PCDHGA8: variants seen among roughly 807,000 people sequenced by gnomAD.
PCDHGA8 encodes protocadherin gamma-A8.
PCDHGA8 carries 45 observed loss-of-function variants against 59.2 expected under a neutral mutation model. The observed-to-expected ratio is 0.76, with a 90% confidence interval of 0.60 to 0.98. PCDHGA8 has a LOEUF of 0.98. PCDHGA8 is among the 50% of genes least tolerant of loss of function. The pLI, the probability that PCDHGA8 is intolerant of heterozygous loss-of-function variation, is 0.00. For synonymous variants in PCDHGA8, 531 were observed against 519.0 expected (o/e 1.02, Z -0.32); for missense variants, 1,257 against 1,196.2 (o/e 1.05, Z -0.75).
intron 1 of PCDHGA8, among the ~76,000 whole-genome samples, chr5:141,438,629 TATATATACACAC>T (rs1343412075): frequency 0.05 from 2,378 of 47,602 alleles, 22 homozygotes; most frequent in African/African-American, 0.12. Context: ...TATATATATA[TATATATACACAC>T]ACACACACAC....
intron 1 of PCDHGA8, among the ~76,000 whole-genome samples, chr5:141,449,413 C>G (rs2098637966): frequency 6.6e-6 from 1 of 151,656 alleles, no homozygotes; most frequent in African/African-American, 2.4e-5. Flanking sequence ...TCAAGACCAG[C>G]CTGGCCAACA....
At chr5:141,418,806 C>A in intron 1 of PCDHGA8, 1 of 1,613,696 alleles carries the variant, frequency 6.2e-7, no homozygotes, top group Non-Finnish European at 8.5e-7. Context: ...GAAAGATATA[C>A]GATAAACATA....
chr5:141,402,684 A>G (rs2094294341), intron 1 of PCDHGA8, among the ~76,000 whole-genome samples: 1 of 152,144 alleles, frequency 6.6e-6, no homozygotes, highest in African/African-American at 2.4e-5. Context: ...ATCTGATATA[A>G]TGTTACACAT....
chr5:141,393,730 G>C lies in PCDHGA8; in HGVS notation c.917G>C (p.Ser306Thr), dbSNP rs546435108. Residue 306 changes from serine (S) to threonine (T), a missense_variant, in exon 1 of 4, where the codon AGT becomes ACT. Transcript: ENST00000398604. ...ENTGEISIAK[S>T]LDYEECSFYE... The stretch of plus-strand genomic sequence containing the variant: ...ACTGGGGAAATATCAATAGCAAAAA[G>C]TCTAGATTATGAAGAATGTTCATTT... 3 of 1,613,844 alleles carry C rather than the reference G, an allele frequency of 1.9e-6. No individual in the cohort carries two copies. In the South Asian group the frequency reaches 3.3e-5, roughly 18 times the overall value.
chr5:141,462,872 AG>A (rs1254807813), intron 1 of PCDHGA8, among the ~76,000 whole-genome samples: 54 of 152,272 alleles, frequency 3.5e-4, no homozygotes, highest in Middle Eastern at 6.8e-3. Flanking sequence ...TCTTTCTTTA[AG>A]AACTATTGCA....
At position 141,431,007 on chromosome 5, in the gene PCDHGA8, G is replaced by C. The variant is rs149559471; in HGVS notation, c.2424+35770G>C. On this transcript the variant is annotated intron_variant, in intron 1 of 3. Transcript: ENST00000398604. This position sits in a 1 kb window ranked among gnomAD's most constrained non-coding sequence, Gnocchi z 4.8. Reference sequence around the variant, plus strand: ...TTCGCCCTGAATCCGCGCAGCGGCAGCTTGGTCACGGCGGGCAGGATAGAC... The same window carrying C: ...TTCGCCCTGAATCCGCGCAGCGGCACCTTGGTCACGGCGGGCAGGATAGAC... 10 of 1,614,050 alleles carry C rather than the reference G, an allele frequency of 6.2e-6. No homozygotes were observed. The highest frequency in any genetic ancestry group is 8.5e-6 in the Non-Finnish European group (10 of 1,180,018).
intron 1 of PCDHGA8, among the ~76,000 whole-genome samples, chr5:141,433,809 C>A (rs913637407): frequency 5.3e-5 from 8 of 149,948 alleles, no homozygotes; most frequent in Non-Finnish European, 1.2e-4. Flanking sequence ...TGCACTCCAG[C>A]CTGGGCAACA....
In PCDHGA8 at chr5:141,450,775, C is replaced by T. The variant is rs561501224; in HGVS notation, c.2425-44032C>T. ...GTGCCGGGATTACAGGCATGAGCCA[C>T]CGTGCCCGGACCTCATGATTGTATT... On this transcript the variant is annotated intron_variant, in intron 1 of 3. Coordinates refer to ENST00000398604, the MANE Select transcript of PCDHGA8 (RefSeq NM_032088.2). Among the ~76,000 whole-genome samples the T allele has an allele frequency of 2.3e-3, 352 of 151,748 alleles. 1 individual carries two copies. The highest frequency in any genetic ancestry group is 4.5e-3 in the Non-Finnish European group (306 of 67,958).
intron 1 of PCDHGA8, chr5:141,404,230 C>T: frequency 6.2e-7 from 1 of 1,613,836 alleles, no homozygotes; most frequent in Non-Finnish European, 8.5e-7. Context: ...CTGCAACAGA[C>T]AGAGGAACTC....
chr5:141,403,632 G>A (rs759489331), intron 1 of PCDHGA8: 2 of 1,613,916 alleles, frequency 1.2e-6, no homozygotes, highest in Admixed American at 1.7e-5. Context: ...AGCACAGTGC[G>A]CATCCATGTG....
chr5:141,496,478 G>A lies in PCDHGA8; in HGVS notation c.2483+1613G>A, dbSNP rs150992994. 7.2e-3 allele frequency among the ~76,000 whole-genome samples: 1,093 copies of A among 152,228 alleles called. 19 individuals are homozygous for A. The highest frequency in any genetic ancestry group is 0.025 in the African/African-American group (1,039 of 41,518). ...CCAAGAGTTATCTTTCCCCCATCCT[G>A]CAACCAACCAAACCCTTGTTGCCAC... is the stretch of plus-strand genomic sequence containing the variant. On this transcript the variant is annotated intron_variant, in intron 2 of 3. Transcript: ENST00000398604.
chr5:141,404,879 G>C (rs770577946), intron 1 of PCDHGA8: 1 of 1,613,906 alleles, frequency 6.2e-7, no homozygotes, highest in Non-Finnish European at 8.5e-7. Flanking sequence ...ACAGAGCCTT[G>C]TGGTGGCTGT....
At chr5:141,409,109 A>G in intron 1 of PCDHGA8, 1 of 1,614,028 alleles carries the variant, frequency 6.2e-7, no homozygotes, top group Non-Finnish European at 8.5e-7. Context: ...TATGATTAAG[A>G]ATAACCAGTC....
chr5:141,507,901 G>T (rs1332204823), intron 3 of PCDHGA8, among the ~76,000 whole-genome samples: 1 of 152,216 alleles, frequency 6.6e-6, no homozygotes, highest in Non-Finnish European at 1.5e-5. Flanking sequence ...CTGAAGTCCA[G>T]CCCAGCCAGG....
At chr5:141,413,012 A>T in intron 1 of PCDHGA8, 1 of 657,714 alleles carries the variant, frequency 1.5e-6, no homozygotes, top group Non-Finnish European at 2.5e-6. Context: ...GGCTTCAACT[A>T]CACAAGCCCC....
intron 1 of PCDHGA8, among the ~76,000 whole-genome samples, chr5:141,463,797 T>C (rs58523023): frequency 0.28 from 42,459 of 152,012 alleles, 6,656 homozygotes; most frequent in African/African-American, 0.43. Flanking sequence ...TGAACAAATG[T>C]CTAAAAGCTT....
chr5:141,410,104 C>T, intron 1 of PCDHGA8: 1 of 1,612,582 alleles, frequency 6.2e-7, no homozygotes, highest in African/African-American at 1.3e-5. Context: ...CCTTAGGCGA[C>T]AGGGACGCAG....
At chr5:141,415,750 T>TTTG in intron 1 of PCDHGA8, 2 of 1,313,212 alleles carry the variant, frequency 1.5e-6, no homozygotes, top group African/African-American at 1.6e-5. Context: ...GTTTTTTTTT[T>TTTG]TTTTTTTTTT....
chr5:141,419,414 GCCTTCGACCACGAGCAGCTGCGCA>G, intron 1 of PCDHGA8: 1 of 1,613,428 alleles, frequency 6.2e-7, no homozygotes, highest in South Asian at 1.1e-5. Context: ...CGCGCAGCGC[GCCTTCGACCACGAGCAGCTGCGCA>G]CCTTCGAGCT....
Sources: allele counts gnomAD v4.1 joint callset (sites outside exome capture counted in the v4.1 genomes callset), GRCh38; gene constraint gnomAD v4.1.1; non-coding constraint Gnocchi (gnomAD v3.1); transcripts MANE v1.5; gene names NCBI Gene and HGNC (gene_info 2026-07-23, HGNC 2026-07-21).